Variants in ATP2C1 observed in about 807,000 individuals in gnomAD.
ATP2C1 encodes the protein ATPase secretory pathway Ca2+ transporting 1.
ATP2C1 carries 31 observed loss-of-function variants against 120.5 expected under a neutral mutation model. That is an observed-to-expected ratio of 0.26 (90% confidence interval 0.19 to 0.35). The LOEUF (loss-of-function observed/expected upper bound fraction) is 0.35. ATP2C1 is among the 10% of genes least tolerant of loss of function. ATP2C1 has a pLI of 1.00. For missense variants in ATP2C1, 731 were observed against 1,107.5 expected (o/e 0.66, Z 4.83); for synonymous variants, 351 against 358.7 (o/e 0.98, Z 0.24).
chr3:130,879,938 T>A (rs972619855), intron 1 of ATP2C1, among the ~76,000 whole-genome samples: 2 of 152,190 alleles, frequency 1.3e-5, no homozygotes, highest in Non-Finnish European at 2.9e-5. Flanking sequence ...CATGATGACC[T>A]CATCGCTGGA....
At chr3:130,958,717 G>A (rs1559974928) in intron 11 of ATP2C1, among the ~76,000 whole-genome samples, 1 of 152,082 alleles carries the variant, frequency 6.6e-6, no homozygotes, top group Non-Finnish European at 1.5e-5. Context: ...TTTTTGAAAT[G>A]CCATAAAAGT....
intron 1 of ATP2C1, among the ~76,000 whole-genome samples, chr3:130,877,046 C>A (rs2068627322): frequency 1.3e-5 from 2 of 152,150 alleles, no homozygotes; most frequent in Admixed American, 1.3e-4. Flanking sequence ...ATCATGTTAT[C>A]TGCAAACAGG....
chr3:130,911,312 T>C (rs1436695368), intron 2 of ATP2C1, among the ~76,000 whole-genome samples: 1 of 150,312 alleles, frequency 6.7e-6, no homozygotes, highest in Non-Finnish European at 1.5e-5. Flanking sequence ...TATCATTTTT[T>C]ATTGTGTCTA....
At chr3:130,985,385 C>T (rs1442963852) in intron 20 of ATP2C1, among the ~76,000 whole-genome samples, 2 of 152,106 alleles carry the variant, frequency 1.3e-5, no homozygotes, top group Non-Finnish European at 2.9e-5. Context: ...GTAATCCCAG[C>T]ACTTTGGGAG....
At chr3:130,872,835 G>A (rs370786706) in intron 1 of ATP2C1, among the ~76,000 whole-genome samples, 8 of 151,890 alleles carry the variant, frequency 5.3e-5, no homozygotes, top group African/African-American at 1.2e-4. Flanking sequence ...TACCTGCCTC[G>A]GCCTCCCAAA....
chr3:130,851,014 G>C, intron 1 of ATP2C1: 1 of 756,914 alleles, frequency 1.3e-6, no homozygotes, highest in Non-Finnish European at 1.9e-6. Context: ...CATTTGTGCT[G>C]GTTTACATGT....
chr3:130,909,993 A>G (rs1245084474), intron 2 of ATP2C1, among the ~76,000 whole-genome samples: 2 of 152,166 alleles, frequency 1.3e-5, no homozygotes. Context: ...GGCATGAGCC[A>G]CGGCACCCAG....
At chr3:130,972,215 T>G (rs2061347316) in intron 17 of ATP2C1, among the ~76,000 whole-genome samples, 1 of 152,190 alleles carries the variant, frequency 6.6e-6, no homozygotes, top group African/African-American at 2.4e-5. Context: ...GAGATTGAGC[T>G]CAGGCAGTAG....
upstream of ATP2C1, among the ~76,000 whole-genome samples, chr3:130,890,749 T>C (rs1414142651): frequency 2.0e-5 from 3 of 152,232 alleles, no homozygotes; most frequent in African/African-American, 4.8e-5. Context: ...TTCTGGTAGA[T>C]GTTTGTTAGG....
At chr3:131,008,874 G>A (rs976458925) in intron 26 of ATP2C1, among the ~76,000 whole-genome samples, 1 of 152,170 alleles carries the variant, frequency 6.6e-6, no homozygotes, top group Non-Finnish European at 1.5e-5. Flanking sequence ...GAAAGTCAGA[G>A]TGTCTCAGAC....
intron 1 of ATP2C1, among the ~76,000 whole-genome samples, chr3:130,859,493 G>T (rs2067948889): frequency 6.6e-6 from 1 of 152,116 alleles, no homozygotes; most frequent in Non-Finnish European, 1.5e-5. Context: ...GATAAATGGG[G>T]GTGCCAAGAA....
chr3:130,998,409 G>T lies in ATP2C1; in HGVS notation c.2487+20G>T, dbSNP rs374436479. 1.6e-4 allele frequency: 250 copies of T among 1,537,282 alleles called. No homozygotes were observed. The highest frequency in any genetic ancestry group is 3.4e-4 in the Middle Eastern group (2 of 5,918). On this transcript the variant is annotated intron_variant, in intron 26 of 27. Transcript: ENST00000510168. The stretch of plus-strand genomic sequence containing the variant: ...TCCCAGGTATGTTTAGGTGAACTTA[G>T]TTGATTGACTTGATTGACTCACTTG...
chr3:130,959,797 A>G (rs1036919721), intron 12 of ATP2C1, among the ~76,000 whole-genome samples: 6 of 152,124 alleles, frequency 3.9e-5, no homozygotes, highest in African/African-American at 1.4e-4. Flanking sequence ...CAGAGAACAA[A>G]AAGAGTTTTT....
intron 10 of ATP2C1, 112 bp downstream of exon 10, chr3:130,955,192 A>G (rs909054017): frequency 5.1e-6 from 4 of 779,560 alleles, no homozygotes; most frequent in Non-Finnish European, 8.9e-6. Flanking sequence ...TTTATTCAGA[A>G]TGGAAATCAG....
At position 130,936,937 on chromosome 3, in the gene ATP2C1, G is replaced by A. The variant is rs370210831; in HGVS notation, c.325-491G>A. Among the ~76,000 whole-genome samples, 8 of 151,714 alleles carry A rather than the reference G, an allele frequency of 5.3e-5. No homozygotes were observed. In the South Asian group the frequency reaches 1.2e-3, roughly 24 times the overall value. On this transcript the variant is annotated intron_variant, in intron 5 of 27. Transcript: ENST00000510168. ...TCATACACTTTAGCCTGAACAATAT[G>A]TTATAGTAAATGGAATACTAGCTTT...
chr3:130,974,282 A>G (rs1003755409), intron 17 of ATP2C1, among the ~76,000 whole-genome samples: 1 of 152,224 alleles, frequency 6.6e-6, no homozygotes, highest in Non-Finnish European at 1.5e-5. Context: ...CATGAAAACA[A>G]CATCATGCTC....
downstream of ATP2C1, among the ~76,000 whole-genome samples, chr3:131,005,776 C>G (rs1236778656): frequency 6.6e-6 from 1 of 152,152 alleles, no homozygotes; most frequent in African/African-American, 2.4e-5. Context: ...AATCAGCAAA[C>G]AGTTGTGTAA....
At chr3:130,912,943 G>A (rs1423261812) in intron 2 of ATP2C1, among the ~76,000 whole-genome samples, 1 of 151,076 alleles carries the variant, frequency 6.6e-6, no homozygotes, top group Non-Finnish European at 1.5e-5. Flanking sequence ...ATGAGTTCAT[G>A]TCCTTTGTAG....
At chr3:130,980,000 G>A (rs752498592) in intron 19 of ATP2C1, among the ~76,000 whole-genome samples, 1 of 152,110 alleles carries the variant, frequency 6.6e-6, no homozygotes, top group Non-Finnish European at 1.5e-5. Flanking sequence ...GGCTAGTCCA[G>A]GAGTTTCAAA....
Sources: allele counts gnomAD v4.1 joint callset (sites outside exome capture counted in the v4.1 genomes callset), GRCh38; gene constraint gnomAD v4.1.1; transcripts MANE v1.5; gene names NCBI Gene and HGNC (gene_info 2026-07-23, HGNC 2026-07-21).